KIF3A: variants seen among roughly 807,000 people sequenced by gnomAD.
KIF3A encodes kinesin family member 3A, also known as kinesin-like protein KIF3A.
Under a neutral mutation model 92.6 loss-of-function variants are expected in KIF3A, and 27 were observed. The ratio of observed to expected loss-of-function variants is 0.29; its 90% confidence interval spans 0.21 to 0.40. The LOEUF is 0.40. Among genes scored for constraint, KIF3A ranks in the 10% least tolerant of loss-of-function variants. The probability of loss-of-function intolerance (pLI) is 1.00; values close to 1 mark genes in which losing one functional copy is unlikely to be tolerated. For missense variants in KIF3A, 581 were observed against 872.6 expected (o/e 0.67, Z 4.21); for synonymous variants, 250 against 275.4 (o/e 0.91, Z 0.92).
rs764464649 is a variant in KIF3A at position 132,711,075 on chromosome 5, T to C, written c.1130-18A>G. 11 of 1,606,694 alleles carry C rather than the reference T, an allele frequency of 6.8e-6. No individual in the cohort carries two copies. In the South Asian group the frequency reaches 7.7e-5, roughly 11 times the overall value. On this transcript the variant is annotated intron_variant, in intron 8 of 18. Transcript: ENST00000403231. ...TTCTTCTCCTTGGACAGAAATTTAA[T>C]ACAATGTTTTTTATCCTGTACGAAG...
rs779258993 is a variant in KIF3A at position 132,726,415 on chromosome 5, T to C, written c.364A>G (p.Ile122Val). 4 of 1,613,740 alleles carry C rather than the reference T, an allele frequency of 2.5e-6. No individual in the cohort carries two copies. Among genetic ancestry groups the C allele is most frequent in the Non-Finnish European group, 3.4e-6 (4 of 1,179,772 alleles). ...ATGTGAGCAAATGAATTGGGAATTATTCCTCTAAGTTCAGGAATAGCTCGA... is the reference window on the plus strand; with the variant it reads ...ATGTGAGCAAATGAATTGGGAATTACTCCTCTAAGTTCAGGAATAGCTCGA... ...GVRAIPELRG[I>V]IPNSFAHIFG... is the part of the protein sequence containing the mutation. The change falls in exon 3 of 19, where the codon ATA becomes GTA. Residue 122 changes from isoleucine to valine, a missense_variant. Physicochemically the swap from Ile to Val is conservative, Grantham distance 29. Coordinates refer to ENST00000403231, the MANE Select transcript of KIF3A (RefSeq NM_001300791.2).
In KIF3A at chr5:132,696,816, T is replaced by C. The variant is rs1050899581; in HGVS notation, c.2133-134A>G. ...AGCCAAAATTTGACACGTTTGACCA[T>C]GGTAAGTGTTCAATTAATGCTCGCC... is the stretch of plus-strand genomic sequence containing the variant. On this transcript the variant is annotated intron_variant, in intron 18 of 18. Coordinates refer to ENST00000403231, the MANE Select transcript of KIF3A (RefSeq NM_001300791.2). The C allele has an allele frequency of 1.7e-4, 108 of 633,906 alleles. 1 individual carries two copies. The highest frequency in any genetic ancestry group is 1.7e-3 in the African/African-American group (91 of 54,866). The allele number at this position is 633,906 out of a possible 1,614,324, so 39.3% of individuals were successfully genotyped here.
intron 8 of KIF3A, among the ~76,000 whole-genome samples, chr5:132,713,836 T>C (rs1753515298): frequency 6.6e-6 from 1 of 151,578 alleles, no homozygotes; most frequent in African/African-American, 2.4e-5. Context: ...TTGAAGGCAT[T>C]ATACTAAATG....
chr5:132,702,809 T>C lies in KIF3A; in HGVS notation c.1647+76A>G, dbSNP rs1262395088. 8 of 1,428,450 alleles carry C rather than the reference T, an allele frequency of 5.6e-6. No individual in the cohort carries two copies. The African/African-American group carries it at 8.6e-5, about 15-fold the overall frequency. 88.5% of individuals were successfully genotyped at this position (1,428,450 alleles called of 1,614,324 possible). ...ATGCTTTAAAATTTCAATACGATTA[T>C]AGATATTTAGCTTTCCACTAGAAAA... On this transcript the variant is annotated intron_variant, in intron 13 of 18. Coordinates refer to ENST00000403231, the MANE Select transcript of KIF3A (RefSeq NM_001300791.2).
At chr5:132,717,879 T>G (rs1376016718) in intron 5 of KIF3A, among the ~76,000 whole-genome samples, 1 of 152,202 alleles carries the variant, frequency 6.6e-6, no homozygotes, top group Non-Finnish European at 1.5e-5. Flanking sequence ...TAATCTTTAA[T>G]GAAGTGACCA....
Position 132,726,102 on chromosome 5 carries a change from A to T in KIF3A, c.510+26T>A, listed in dbSNP as rs956219665. 1.1e-5 allele frequency: 17 copies of T among 1,504,910 alleles called. No homozygotes were observed. The Admixed American group carries it at 1.7e-4, about 15-fold the overall frequency. The allele number at this position is 1,504,910 out of a possible 1,614,324, so 93.2% of individuals were successfully genotyped here. ...AATATTCTATTGCTTTGGAAAAAGT[A>T]CTCCACCAATTTCAATTATCCTTAC... On this transcript the variant is annotated intron_variant, in intron 4 of 18. Transcript: ENST00000403231.
chr5:132,730,741 C>T (rs1257844352), intron 2 of KIF3A, among the ~76,000 whole-genome samples: 3 of 152,032 alleles, frequency 2.0e-5, no homozygotes, highest in Admixed American at 2.0e-4. Context: ...GCTAAGTGAG[C>T]CATGATCACA....
At chr5:132,702,522 G>T in intron 14 of KIF3A, 36 bp downstream of exon 14, 1 of 1,214,926 alleles carries the variant, frequency 8.2e-7, no homozygotes, top group Non-Finnish European at 1.2e-6. Context: ...AAAAAATCCA[G>T]AACTGCATTA....
chr5:132,723,724 C>T (rs938068318), intron 4 of KIF3A: 6 of 152,174 alleles, frequency 3.9e-5, no homozygotes, highest in East Asian at 1.9e-4. Flanking sequence ...CAATACCATT[C>T]AGGACATAGG....
rs1323064341 is a variant in KIF3A, at chr5:132,699,245, A to T, written c.2058T>A (p.Ser686Arg). 1 of 1,613,418 alleles carries T rather than the reference A, an allele frequency of 6.2e-7. No individual in the cohort carries two copies. Among genetic ancestry groups the T allele is most frequent in the Admixed American group, 1.7e-5 (1 of 59,988 alleles). Residue 686 changes from serine to arginine, a missense_variant, in exon 18 of 19, where the codon AGT becomes AGA. Coordinates refer to ENST00000403231, the MANE Select transcript of KIF3A (RefSeq NM_001300791.2). The stretch of plus-strand genomic sequence containing the variant: ...CTAGTTTCATCAAAGACTGACGCAG[A>T]CTCTCCTCAGTATAGGCAAGATACA... ...SHVYLAYTEE[S>R]LRQSLMKLER...
intron 11 of KIF3A, among the ~76,000 whole-genome samples, chr5:132,706,026 A>G (rs1753197847): frequency 6.6e-6 from 1 of 152,048 alleles, no homozygotes; most frequent in South Asian, 2.1e-4. Context: ...AAGTAGCAAC[A>G]TTTTTTTATT....
intron 4 of KIF3A, chr5:132,723,315 G>T (rs1456444872): frequency 3.9e-5 from 6 of 152,056 alleles, no homozygotes; most frequent in Admixed American, 3.9e-4. Flanking sequence ...AGTTCATATG[G>T]AACCAAAAAA....
intron 2 of KIF3A, among the ~76,000 whole-genome samples, chr5:132,729,781 A>G (rs902675134): frequency 1.3e-5 from 2 of 152,148 alleles, no homozygotes; most frequent in Non-Finnish European, 1.5e-5. Flanking sequence ...TTAAACTCCC[A>G]TATTAGAAAG....
In KIF3A at chr5:132,695,723, T is replaced by C. The variant is rs1752812136; in HGVS notation, c.*911A>G. The C allele has an allele frequency of 6.6e-6, 1 of 152,376 alleles. No homozygotes were observed. Among genetic ancestry groups the C allele is most frequent in the African/African-American group, 2.4e-5 (1 of 41,468 alleles). 9.4% of individuals were successfully genotyped at this position (152,376 alleles called of 1,614,324 possible). ...TTAAAAGATATTTTTCTTGCTTAGCTGTATTTTCTGGAAAATGGAGACTCT... is the reference window on the plus strand; with the variant it reads ...TTAAAAGATATTTTTCTTGCTTAGCCGTATTTTCTGGAAAATGGAGACTCT... On this transcript the variant is annotated 3_prime_UTR_variant, in exon 19 of 19. Coordinates refer to ENST00000403231, the MANE Select transcript of KIF3A (RefSeq NM_001300791.2).
chr5:132,720,756 C>G, intron 4 of KIF3A, 42 bp from the exon 5 acceptor site: 1 of 1,111,824 alleles, frequency 9.0e-7, no homozygotes, highest in Non-Finnish European at 1.3e-6. Context: ...AATAACTCTT[C>G]CACAATTATT....
intron 10 of KIF3A, 75 bp from the exon 11 acceptor site, chr5:132,706,534 A>C: frequency 8.3e-7 from 1 of 1,211,442 alleles, no homozygotes; most frequent in Non-Finnish European, 1.1e-6. Context: ...AAAAAGGAAA[A>C]CATTATTTCT....
At chr5:132,705,776 T>C (rs1753190064) in intron 11 of KIF3A, among the ~76,000 whole-genome samples, 2 of 152,068 alleles carry the variant, frequency 1.3e-5, no homozygotes, top group African/African-American at 4.8e-5. Context: ...AATAATATTT[T>C]AAGCTAAATG....
intron 15 of KIF3A, 23 bp from the exon 16 acceptor site, chr5:132,700,723 C>T (rs375311629): frequency 6.0e-6 from 9 of 1,489,150 alleles, no homozygotes; most frequent in Non-Finnish European, 8.4e-6. Context: ...TGAAAGATAG[C>T]CTATTTTTAA....
Position 132,698,117 on chromosome 5 carries a change from C to G in KIF3A, c.2132+1054G>C, listed in dbSNP as rs932185043. ...TTGCCCAACCCTGAGTTCAACCATCCCAAATTTATAAGTGTTAAGTCATGT... is the reference window on the plus strand; with the variant it reads ...TTGCCCAACCCTGAGTTCAACCATCGCAAATTTATAAGTGTTAAGTCATGT... On this transcript the variant is annotated intron_variant, in intron 18 of 18. Coordinates refer to ENST00000403231, the MANE Select transcript of KIF3A (RefSeq NM_001300791.2). Among the ~76,000 whole-genome samples the G allele has an allele frequency of 2.6e-5, 4 of 152,032 alleles. 1 individual carries two copies. Among genetic ancestry groups the G allele is most frequent in the African/African-American group, 9.7e-5 (4 of 41,382 alleles).
Sources: allele counts gnomAD v4.1 joint callset (sites outside exome capture counted in the v4.1 genomes callset), GRCh38; gene constraint gnomAD v4.1.1; transcripts MANE v1.5; gene names NCBI Gene and HGNC (gene_info 2026-07-23, HGNC 2026-07-21).